The following AGL variants were observed in gnomAD, a reference collection of about 807,000 sequenced individuals.
The protein encoded by AGL is amylo-alpha-1,6-glucosidase and 4-alpha-glucanotransferase.
AGL carries 128 observed loss-of-function variants against 199.3 expected under a neutral mutation model. The ratio of observed to expected loss-of-function variants is 0.64; its 90% CI spans 0.56 to 0.74. The LOEUF (loss-of-function observed/expected upper bound fraction) is 0.74, where lower values mean the gene tolerates loss of function less well. Among genes scored for constraint, AGL ranks in the 30% least tolerant of loss-of-function variants. The pLI, the probability that AGL is intolerant of heterozygous loss-of-function variation, is 0.00. For missense variants in AGL, 1,809 were observed against 1,820.8 expected, an observed-to-expected ratio of 0.99 and a Z score of 0.12; for synonymous variants, 584 against 594.7, an observed-to-expected ratio of 0.98 and a Z score of 0.26.
chr1:99,859,489 A>G (rs991001370), intron 2 of AGL, among the ~76,000 whole-genome samples: 2 of 152,112 alleles, frequency 1.3e-5, no homozygotes, highest in Non-Finnish European at 2.9e-5. Context: ...TTTCCAGAAG[A>G]TATTTTAAAA....
chr1:99,909,585 C>A (rs535412472), intron 27 of AGL, among the ~76,000 whole-genome samples: 1 of 152,036 alleles, frequency 6.6e-6, no homozygotes, highest in East Asian at 1.9e-4. Flanking sequence ...TTTGTCATTA[C>A]CTGTTGGAGG....
chr1:99,880,928 GT>G lies in AGL; in HGVS notation c.1899+137del. On this transcript the variant is annotated intron_variant, in intron 14 of 33. Coordinates refer to ENST00000361915, the MANE Select transcript of AGL (RefSeq NM_000642.3). ...ATTTATAACTGATTTATAATACATA[GT>G]TTTCAGAATGTTTTACTTGTTTAAA... 4.7e-6 allele frequency: 6 copies of G among 1,288,014 alleles called. No homozygotes were observed. The South Asian group carries it at 7.4e-5, about 16-fold the overall frequency. 79.8% of individuals were successfully genotyped at this position (1,288,014 alleles called of 1,614,324 possible).
intron 5 of AGL, among the ~76,000 whole-genome samples, chr1:99,867,992 TTCTTA>T (rs1248284317): frequency 1.3e-5 from 2 of 152,188 alleles, no homozygotes; most frequent in Non-Finnish European, 2.9e-5. Context: ...ACTCTTGCTG[TTCTTA>T]TCTTAAATAA....
intron 33 of AGL, among the ~76,000 whole-genome samples, chr1:99,919,529 A>G (rs770479549): frequency 4.3e-4 from 65 of 152,194 alleles, no homozygotes; most frequent in Non-Finnish European, 8.4e-4. Context: ...TGGTGTATTT[A>G]TTATTACTAT....
At chr1:99,879,211 G>A (rs919831071) in intron 12 of AGL, among the ~76,000 whole-genome samples, 54 of 152,290 alleles carry the variant, frequency 3.5e-4, no homozygotes, top group African/African-American at 1.3e-3. Context: ...CTTTCCAACA[G>A]CTAAGTAATT....
chr1:99,922,049 T>C lies in AGL; in HGVS notation c.*398T>C, dbSNP rs1655547818. The C allele has an allele frequency of 6.2e-6, 1 of 162,440 alleles. No homozygotes were observed. The highest frequency in any genetic ancestry group is 2.4e-5 in the African/African-American group (1 of 41,532). 10.1% of individuals were successfully genotyped at this position (162,440 alleles called of 1,614,324 possible). A position where few individuals can be genotyped will look rare whatever the true frequency, so the allele number is the denominator to read the frequency against. ...CAGTAACAATACATACTGAATACGC[T>C]GTGGTTCATTAATATTAACACCACG... On this transcript the variant is annotated 3_prime_UTR_variant, in exon 34 of 34. Coordinates refer to ENST00000361915, the MANE Select transcript of AGL (RefSeq NM_000642.3).
chr1:99,894,883 A>G (rs972526172), intron 24 of AGL, among the ~76,000 whole-genome samples: 1 of 152,210 alleles, frequency 6.6e-6, no homozygotes, highest in Admixed American at 6.5e-5. Flanking sequence ...TTCTACTCAT[A>G]GGTCTTATTT....
chr1:99,866,896 G>A (rs1650564008), intron 5 of AGL, among the ~76,000 whole-genome samples: 1 of 151,446 alleles, frequency 6.6e-6, no homozygotes, highest in African/African-American at 2.4e-5. Flanking sequence ...TCGGCTCACC[G>A]CAACCTCCAC....
At chr1:99,901,655 A>T (rs918218846) in intron 26 of AGL, among the ~76,000 whole-genome samples, 2 of 151,696 alleles carry the variant, frequency 1.3e-5, no homozygotes, top group African/African-American at 2.4e-5. Flanking sequence ...TGAAGAATGG[A>T]TAGACATTTT....
At position 99,877,821 on chromosome 1, in the gene AGL, T is replaced by C; in HGVS notation, c.1604T>C (p.Val535Ala). The C allele has an allele frequency of 6.2e-7, 1 of 1,613,862 alleles. No homozygotes were observed. The highest frequency in any genetic ancestry group is 8.5e-7 in the Non-Finnish European group (1 of 1,179,836). Residue 535 changes from valine to alanine, a missense_variant, in exon 12 of 34, where the codon GTA becomes GCA. Coordinates refer to ENST00000361915, the MANE Select transcript of AGL (RefSeq NM_000642.3). The stretch of plus-strand genomic sequence containing the variant: ...AACTGCCACTCAACACCTCTTCACG[T>C]AGCTGAGGTACAGAAAAACAATTTA... ...LDNCHSTPLH[V>A]AEYMLDAARN...
At chr1:99,902,549 T>C in intron 26 of AGL, 134 bp from the exon 27 acceptor site, 1 of 712,640 alleles carries the variant, frequency 1.4e-6, no homozygotes, top group Non-Finnish European at 2.6e-6. Context: ...GCTTCTTCCC[T>C]GGCCTCACCC....
intron 13 of AGL, 134 bp downstream of exon 13, chr1:99,880,180 C>A: frequency 7.5e-7 from 1 of 1,340,152 alleles, no homozygotes; most frequent in Non-Finnish European, 1.0e-6. Flanking sequence ...CTTTGTATGA[C>A]ATATTCTAAT....
chr1:99,874,863 T>C (rs1369060760), intron 8 of AGL, 53 bp downstream of exon 8: 17 of 1,579,396 alleles, frequency 1.1e-5, no homozygotes, highest in Non-Finnish European at 1.5e-5. Flanking sequence ...CAAACCTTTA[T>C]GGCTAGTATG....
chr1:99,912,641 A>AT (rs1260558850), intron 29 of AGL, 124 bp downstream of exon 29: 3 of 768,224 alleles, frequency 3.9e-6, no homozygotes, highest in Non-Finnish European at 6.3e-6. Flanking sequence ...AAGAAAGAAA[A>AT]TTCATTAATT....
chr1:99,866,577 C>T (rs1317684412), intron 5 of AGL, among the ~76,000 whole-genome samples: 5 of 152,110 alleles, frequency 3.3e-5, no homozygotes, highest in Admixed American at 6.6e-5. Flanking sequence ...AGACCTGCAG[C>T]GTAGTCTTGA....
In AGL at chr1:99,861,528, C is replaced by T. The variant is rs374064723; in HGVS notation, c.108C>T (p.Gly36=). ...EQGYELQFRL[G]PTLQGKAVTV... ...GGTATGAGCTACAGTTCCGATTAGG[C>T]CCAACTTTACAGGGAAAAGCAGTTA... is the stretch of plus-strand genomic sequence containing the variant. The change falls in exon 3 of 34, where the codon GGC becomes GGT. Residue 36 remains glycine (G), a synonymous_variant. Coordinates refer to ENST00000361915, the MANE Select transcript of AGL (RefSeq NM_000642.3). 6 of 1,613,772 alleles carry T rather than the reference C, an allele frequency of 3.7e-6. No individual in the cohort carries two copies. The African/African-American group carries it at 6.7e-5, about 18-fold the overall frequency.
chr1:99,861,146 C>T (rs1425629940), intron 2 of AGL: 1 of 1,144,486 alleles, frequency 8.7e-7, no homozygotes, highest in South Asian at 2.0e-5. Context: ...AAGGTCTCTC[C>T]TCAGATGCCT....
At chr1:99,919,177 G>C (rs893797022) in intron 33 of AGL, among the ~76,000 whole-genome samples, 38 of 152,178 alleles carry the variant, frequency 2.5e-4, no homozygotes, top group African/African-American at 8.2e-4. Flanking sequence ...CTCCACCTGT[G>C]TTCCCCCTCT....
rs1214599459 is a variant in AGL, at chr1:99,921,967, T to C, written c.*316T>C. 1 of 206,134 alleles carries C rather than the reference T, an allele frequency of 4.9e-6. No individual in the cohort carries two copies. The highest frequency in any genetic ancestry group is 1.0e-4 in the South Asian group (1 of 9,732). The allele number at this position is 206,134 out of a possible 1,614,324, so 12.8% of individuals were successfully genotyped here. A position where few individuals can be genotyped will look rare whatever the true frequency, so the allele number is the denominator to read the frequency against. ...TATTTGTACAGAAATGAAAATAAAA[T>C]ATGAAAATAATGAAAGAAATGAAAA... On this transcript the variant is annotated 3_prime_UTR_variant, in exon 34 of 34. Coordinates refer to ENST00000361915, the MANE Select transcript of AGL (RefSeq NM_000642.3).
Sources: gnomAD v4.1 joint callset for allele counts (sites outside exome capture counted in the v4.1 genomes callset) on GRCh38, gnomAD v4.1.1 for gene constraint, MANE v1.5 for transcripts, NCBI Gene and HGNC (gene_info 2026-07-23, HGNC 2026-07-21) for gene names.